LINC00305: variants seen among roughly 807,000 people sequenced by gnomAD.
The protein encoded by LINC00305 is long intergenic non-protein coding RNA 305.
intron 2 of LINC00305, chr18:64,098,066 T>C: frequency 2.2e-6 from 1 of 453,116 alleles, no homozygotes; most frequent in Non-Finnish European, 4.5e-6. Flanking sequence ...AAAGATTTAT[T>C]ACGTATTATT....
At chr18:64,146,059 T>G (rs1185720596) in intron 1 of LINC00305, among the ~76,000 whole-genome samples, 1 of 150,776 alleles carries the variant, frequency 6.6e-6, no homozygotes, top group East Asian at 1.9e-4. Context: ...ACAGGCTATC[T>G]TAGTAATTAA....
At chr18:64,138,692 G>A (rs925042467) in intron 1 of LINC00305, among the ~76,000 whole-genome samples, 3 of 152,074 alleles carry the variant, frequency 2.0e-5, no homozygotes, top group Non-Finnish European at 2.9e-5. Flanking sequence ...TTATTCAGCA[G>A]CGGGTTTGGT....
rs535634600 is a variant in LINC00305 at position 64,116,374 on chromosome 18, C to A, written n.315-17734G>T. Reference sequence around the variant, plus strand: ...ATTTGTAAAAATTATGTTATGTTTGCTCCTAATGTTTTAAGAACATATTAA... The same window carrying A: ...ATTTGTAAAAATTATGTTATGTTTGATCCTAATGTTTTAAGAACATATTAA... On this transcript the variant is annotated intron_variant and non_coding_transcript_variant, in intron 1 of 3. Coordinates refer to ENST00000666468, the Ensembl canonical transcript of LINC00305. 2.0e-5 allele frequency among the ~76,000 whole-genome samples: 3 copies of A among 152,258 alleles called. No homozygotes were observed. The South Asian group carries it at 6.2e-4, about 32-fold the overall frequency.
At chr18:64,142,427 CAGAGGATTGTG>C (rs954008099) in intron 1 of LINC00305, among the ~76,000 whole-genome samples, 5 of 152,168 alleles carry the variant, frequency 3.3e-5, no homozygotes, top group Non-Finnish European at 5.9e-5. Context: ...TTGTATTTAC[CAGAGGATTGTG>C]AGCCTCTTGG....
At chr18:64,088,224 T>C (rs1024787202) in intron 3 of LINC00305, among the ~76,000 whole-genome samples, 5 of 151,978 alleles carry the variant, frequency 3.3e-5, no homozygotes, top group African/African-American at 9.7e-5. Flanking sequence ...TAACCAGAAA[T>C]TTGTGATTTT....
At chr18:64,134,591 T>C (rs988487405) in intron 1 of LINC00305, among the ~76,000 whole-genome samples, 41 of 152,210 alleles carry the variant, frequency 2.7e-4, no homozygotes, top group Non-Finnish European at 4.1e-4. Flanking sequence ...TTTATCTAAA[T>C]TGGTTTTAAA....
chr18:64,094,768 C>T (rs113668536), intron 3 of LINC00305, among the ~76,000 whole-genome samples: 7,925 of 152,038 alleles, frequency 0.052, 306 homozygotes, highest in Non-Finnish European at 0.084. Context: ...GAGGCTGAGG[C>T]AGGAGAATCG....
intron 1 of LINC00305, among the ~76,000 whole-genome samples, chr18:64,108,378 T>C (rs902342684): frequency 3.9e-5 from 6 of 152,190 alleles, no homozygotes; most frequent in Non-Finnish European, 8.8e-5. Context: ...GCATGATAAG[T>C]TGACTGTGGT....
chr18:64,119,800 C>T (rs1012743941), intron 1 of LINC00305, among the ~76,000 whole-genome samples: 1 of 152,018 alleles, frequency 6.6e-6, no homozygotes, highest in Admixed American at 6.6e-5. Flanking sequence ...GATTGTTCTA[C>T]CTCAAAGACC....
intron 1 of LINC00305, among the ~76,000 whole-genome samples, chr18:64,140,187 C>T (rs1021571962): frequency 2.0e-5 from 3 of 151,918 alleles, no homozygotes; most frequent in Non-Finnish European, 2.9e-5. Flanking sequence ...TCCTCCTCCT[C>T]TTTACTCTCT....
At position 64,146,890 on chromosome 18, in the gene LINC00305, A is replaced by G. The variant is rs147740124; in HGVS notation, n.314+1885T>C. Among the ~76,000 whole-genome samples, 357 of 152,236 alleles carry G rather than the reference A, an allele frequency of 2.3e-3. 1 individual carries two copies. The highest frequency in any genetic ancestry group is 4.3e-3 in the Non-Finnish European group (290 of 68,000). ...TTGAACCACTGTTAATAAGTAGTGG[A>G]TCTCCTGCTGAAAACTAAAGGGGAT... is the stretch of plus-strand genomic sequence containing the variant. On this transcript the variant is annotated intron_variant and non_coding_transcript_variant, in intron 1 of 3. Transcript: ENST00000666468.
intron 1 of LINC00305, among the ~76,000 whole-genome samples, chr18:64,112,190 G>A (rs1351331842): frequency 6.6e-6 from 1 of 152,098 alleles, no homozygotes; most frequent in Non-Finnish European, 1.5e-5. Context: ...GGAAATCTGT[G>A]AAACTAATGC....
At chr18:64,087,054 C>A (rs1380663155) in intron 3 of LINC00305, among the ~76,000 whole-genome samples, 5 of 152,134 alleles carry the variant, frequency 3.3e-5, no homozygotes, top group African/African-American at 1.2e-4. Context: ...AAATATTGTT[C>A]TCCATTGATT....
intron 1 of LINC00305, among the ~76,000 whole-genome samples, chr18:64,128,211 C>T (rs2051393690): frequency 6.6e-6 from 1 of 152,062 alleles, no homozygotes; most frequent in Non-Finnish European, 1.5e-5. Flanking sequence ...AAAGGTGATT[C>T]TCTGGAAGAG....
chr18:64,128,322 A>G (rs536599266), intron 1 of LINC00305, among the ~76,000 whole-genome samples: 3 of 152,182 alleles, frequency 2.0e-5, no homozygotes, highest in African/African-American at 7.2e-5. Flanking sequence ...TGGAAAAGAT[A>G]TAAATTCTTA....
At chr18:64,128,687 G>T (rs1027537677) in intron 1 of LINC00305, among the ~76,000 whole-genome samples, 5 of 151,998 alleles carry the variant, frequency 3.3e-5, no homozygotes, top group African/African-American at 1.2e-4. Flanking sequence ...TATGGGCATG[G>T]CCATACCAAT....
intron 1 of LINC00305, among the ~76,000 whole-genome samples, chr18:64,143,565 TATA>T (rs2051476359): frequency 2.4e-4 from 1 of 4,172 alleles, no homozygotes; most frequent in African/African-American, 3.3e-4. Context: ...TGTGTACATA[TATA>T]CACATATGTA....
chr18:64,087,916 C>A (rs1490281872), intron 3 of LINC00305, among the ~76,000 whole-genome samples: 1 of 151,324 alleles, frequency 6.6e-6, no homozygotes, highest in African/African-American at 2.4e-5. Context: ...ACAGTAAAAC[C>A]CCATCTCTCC....
intron 1 of LINC00305, among the ~76,000 whole-genome samples, chr18:64,147,960 C>T (rs1356222015): frequency 6.6e-6 from 1 of 152,002 alleles, no homozygotes; most frequent in Non-Finnish European, 1.5e-5. Flanking sequence ...CACAATAGCA[C>T]ACATTCTTTC....
Sources: gnomAD v4.1 joint callset for allele counts (sites outside exome capture counted in the v4.1 genomes callset) on GRCh38, gnomAD v4.1.1 for gene constraint, MANE v1.5 for transcripts, NCBI Gene and HGNC (gene_info 2026-07-23, HGNC 2026-07-21) for gene names.